MEI4: variants seen among roughly 807,000 people sequenced by gnomAD.
The protein encoded by MEI4 is meiosis-specific protein MEI4.
Under a neutral mutation model 31.4 loss-of-function variants are expected in MEI4, and 27 were observed. The ratio of observed to expected loss-of-function variants is 0.86; its 90% CI spans 0.63 to 1.19. The LOEUF (loss-of-function observed/expected upper bound fraction) is 1.19, where lower values mean the gene tolerates loss of function less well. Ranked by LOEUF, MEI4 falls within the 50% of genes most tolerant of loss-of-function variation. The pLI is 0.00. For missense variants in MEI4, 329 were observed against 398.9 expected (o/e 0.82, Z 1.49); for synonymous variants, 122 against 145.4 (o/e 0.84, Z 1.16).
At chr6:77,818,639 T>C (rs1479583251) in intron 3 of MEI4, among the ~76,000 whole-genome samples, 2 of 152,216 alleles carry the variant, frequency 1.3e-5, no homozygotes, top group East Asian at 3.8e-4. Flanking sequence ...TGTTATTATA[T>C]AATTTTAATG....
chr6:77,776,167 G>T (rs557309983), intron 3 of MEI4, among the ~76,000 whole-genome samples: 2,111 of 97,818 alleles, frequency 0.022, 52 homozygotes, highest in African/African-American at 0.089. Flanking sequence ...TTTTTTTTTT[G>T]TTTTTGTTTT....
rs1028552248 is a variant in MEI4, at chr6:77,696,187, A to G, written c.232+5284A>G. On this transcript the variant is annotated intron_variant, in intron 2 of 4. Coordinates refer to ENST00000684080, the MANE Select transcript of MEI4 (RefSeq NM_001322247.2). ...GGACTGAGACAATGGGGTTTTCTAG[A>G]TATACAATCATGTCATCTGCAAACA... Among the ~76,000 whole-genome samples the G allele has an allele frequency of 5.3e-5, 8 of 152,232 alleles. No homozygotes were observed. The East Asian group carries it at 1.5e-3, about 29-fold the overall frequency.
chr6:77,747,660 C>G (rs764166684), intron 2 of MEI4, among the ~76,000 whole-genome samples: 2 of 152,122 alleles, frequency 1.3e-5, no homozygotes, highest in Non-Finnish European at 2.9e-5. Flanking sequence ...CAGAGCCAAA[C>G]CATATTATTC....
At position 77,847,642 on chromosome 6, in the gene MEI4, G is replaced by A. The variant is rs1050419381; in HGVS notation, c.900+18580G>A. ...AGACTTCTCTAATCAGCATGGAAAGGAGCAGCCATTTCTTTCCTACTCCGA... is the reference window on the plus strand; with the variant it reads ...AGACTTCTCTAATCAGCATGGAAAGAAGCAGCCATTTCTTTCCTACTCCGA... On this transcript the variant is annotated intron_variant, in intron 4 of 4. Transcript: ENST00000684080. This position sits in a 1 kb window ranked among gnomAD's most constrained non-coding sequence, Gnocchi z 4.6. Among the ~76,000 whole-genome samples, 2 of 152,120 alleles carry A rather than the reference G, an allele frequency of 1.3e-5. No individual in the cohort carries two copies. The highest frequency in any genetic ancestry group is 2.9e-5 in the Non-Finnish European group (2 of 68,012).
At chr6:77,843,112 A>C (rs1051593362) in intron 4 of MEI4, among the ~76,000 whole-genome samples, 1 of 150,624 alleles carries the variant, frequency 6.6e-6, no homozygotes. Flanking sequence ...AAACAGGTAA[A>C]GACTGATGTC....
At chr6:77,769,416 A>G (rs1490009833) in intron 3 of MEI4, among the ~76,000 whole-genome samples, 3 of 152,124 alleles carry the variant, frequency 2.0e-5, no homozygotes, top group African/African-American at 4.8e-5. Context: ...TAAACATGAA[A>G]GGCAACCTAG....
intron 2 of MEI4, among the ~76,000 whole-genome samples, chr6:77,752,664 C>G (rs954870145): frequency 6.6e-6 from 1 of 152,012 alleles, no homozygotes; most frequent in Non-Finnish European, 1.5e-5. Context: ...AATCATATCA[C>G]AAAAATGACC....
At chr6:77,655,263 C>G (rs1057422208) in intron 1 of MEI4, among the ~76,000 whole-genome samples, 3 of 152,158 alleles carry the variant, frequency 2.0e-5, no homozygotes, top group Non-Finnish European at 4.4e-5. Flanking sequence ...GCATAGTATT[C>G]CATGGTGTAT....
intron 4 of MEI4, among the ~76,000 whole-genome samples, chr6:77,838,851 T>G (rs77505824): frequency 6.6e-6 from 1 of 151,394 alleles, no homozygotes; most frequent in African/African-American, 2.4e-5. Flanking sequence ...TGCTGTGAAC[T>G]GAGATCGTGC....
intron 3 of MEI4, among the ~76,000 whole-genome samples, chr6:77,790,736 CTCAAATATATTTAATTTTTAAG>C (rs1354399994): frequency 8.5e-5 from 13 of 152,114 alleles, no homozygotes; most frequent in Non-Finnish European, 1.5e-4. Flanking sequence ...AGTATCTTTT[CTCAAATATATTTAATTTTTAAG>C]TCAACAAAAA....
intron 2 of MEI4, among the ~76,000 whole-genome samples, chr6:77,712,317 G>A (rs1582049533): frequency 2.0e-5 from 3 of 152,232 alleles, no homozygotes; most frequent in Admixed American, 2.0e-4. Context: ...GTTCCAAGCT[G>A]TTAAATTTAC....
In MEI4 at chr6:77,766,677, G is replaced by C. The variant is rs78770280; in HGVS notation, c.768+5012G>C. Among the ~76,000 whole-genome samples the C allele has an allele frequency of 4.3e-4, 66 of 152,216 alleles. 1 individual carries two copies. The East Asian group carries it at 0.012, about 27-fold the overall frequency. ...TCCGCCCACCTCGGCCTCCCAAAGTGCTGGGATTACAGGCGTGAGCCTGTA... is the reference window on the plus strand; with the variant it reads ...TCCGCCCACCTCGGCCTCCCAAAGTCCTGGGATTACAGGCGTGAGCCTGTA... On this transcript the variant is annotated intron_variant, in intron 3 of 4. Coordinates refer to ENST00000684080, the MANE Select transcript of MEI4 (RefSeq NM_001322247.2).
At chr6:77,689,846 T>G (rs979424886) in intron 1 of MEI4, among the ~76,000 whole-genome samples, 3 of 152,054 alleles carry the variant, frequency 2.0e-5, no homozygotes, top group African/African-American at 7.2e-5. Flanking sequence ...GCATTTTTAT[T>G]TAGCACATTT....
At chr6:77,660,889 C>A (rs573596445) in intron 1 of MEI4, among the ~76,000 whole-genome samples, 31 of 152,160 alleles carry the variant, frequency 2.0e-4, no homozygotes, top group Admixed American at 7.2e-4. Context: ...TTTGAGGGGT[C>A]AGATTCTTAA....
At chr6:77,756,518 T>C (rs1767921884) in intron 2 of MEI4, among the ~76,000 whole-genome samples, 1 of 151,326 alleles carries the variant, frequency 6.6e-6, no homozygotes, top group African/African-American at 2.4e-5. Context: ...GTAGATGCTA[T>C]AAAAAAGCAT....
intron 2 of MEI4, among the ~76,000 whole-genome samples, chr6:77,751,656 G>C (rs773770583): frequency 4.6e-5 from 7 of 152,136 alleles, no homozygotes; most frequent in Non-Finnish European, 7.3e-5. Flanking sequence ...TCCAGGACCA[G>C]ATGGATTAAC....
At chr6:77,734,051 T>C (rs1361246300) in intron 2 of MEI4, among the ~76,000 whole-genome samples, 4 of 152,038 alleles carry the variant, frequency 2.6e-5, no homozygotes, top group Admixed American at 6.5e-5. Context: ...CTTCCAAGTA[T>C]GTGGTCAGTT....
At chr6:77,757,325 T>C (rs1037855524) in intron 2 of MEI4, among the ~76,000 whole-genome samples, 3 of 152,252 alleles carry the variant, frequency 2.0e-5, no homozygotes, top group Admixed American at 2.0e-4. Context: ...CATTAAAGCA[T>C]TCCTTTAGAG....
rs34181852 is a variant in MEI4 at position 77,755,825 on chromosome 6, GGT to G, written c.233-5276_233-5275del. On this transcript the variant is annotated intron_variant, in intron 2 of 4. Coordinates refer to ENST00000684080, the MANE Select transcript of MEI4 (RefSeq NM_001322247.2). ...AATATGTGTCAAATTGTGCTGGAAT[GGT>G]GTGTGTGTGTGTGTGTGTGTGTGTG... is the stretch of plus-strand genomic sequence containing the variant. Among the ~76,000 whole-genome samples the G allele has an allele frequency of 4.6e-3, 669 of 144,914 alleles. 1 individual carries two copies. The highest frequency in any genetic ancestry group is 6.6e-3 in the Admixed American group (95 of 14,462).
Sources: allele counts gnomAD v4.1 joint callset (sites outside exome capture counted in the v4.1 genomes callset), GRCh38; gene constraint gnomAD v4.1.1; non-coding constraint Gnocchi (gnomAD v3.1); transcripts MANE v1.5; gene names NCBI Gene and HGNC (gene_info 2026-07-23, HGNC 2026-07-21).